SUN5: variants seen among roughly 807,000 people sequenced by gnomAD.
SUN5 encodes the protein SUN domain-containing protein 5.
In SUN5, 44 loss-of-function variants were observed where a neutral mutation model predicts 53.7. The observed-to-expected ratio is 0.82, with a 90% confidence interval of 0.64 to 1.05. The LOEUF (loss-of-function observed/expected upper bound fraction) is 1.05, where lower values mean the gene tolerates loss of function less well. Among genes scored for constraint, SUN5 ranks in the 50% least tolerant of loss-of-function variants. The pLI, the probability that SUN5 is intolerant of heterozygous loss-of-function variation, is 0.00. For missense variants in SUN5, 433 were observed against 483.8 expected (o/e 0.90, Z 0.98); for synonymous variants, 166 against 179.8 (o/e 0.92, Z 0.62).
intron 1 of SUN5, among the ~76,000 whole-genome samples, 195 bp downstream of exon 1, chr20:33,004,069 C>G (rs531942722): frequency 6.6e-6 from 1 of 152,156 alleles, no homozygotes; most frequent in Admixed American, 6.5e-5. Flanking sequence ...TCAATAAATG[C>G]GTGCTGGAAG....
chr20:32,994,759 C>T (rs8113836), intron 8 of SUN5, among the ~76,000 whole-genome samples: 23,629 of 150,220 alleles, frequency 0.16, 1,935 homozygotes, highest in African/African-American at 0.21. Context: ...ATTAGCTGAG[C>T]GTGGTAATGT....
intron 3 of SUN5, among the ~76,000 whole-genome samples, chr20:33,001,519 C>CTTTCTTTCTTTCTTTTCTTTCT (rs68051515): frequency 2.0e-4 from 24 of 121,394 alleles, no homozygotes; most frequent in Non-Finnish European, 3.1e-4. Flanking sequence ...TTCTTTCTTT[C>CTTTCTTTCTTTCTTTTCTTTCT]TTCTTTCTTT....
At chr20:32,993,175 C>T (rs989939373) in intron 8 of SUN5, among the ~76,000 whole-genome samples, 1 of 152,198 alleles carries the variant, frequency 6.6e-6, no homozygotes, top group Non-Finnish European at 1.5e-5. Flanking sequence ...TGGGAAATCA[C>T]CAATTTAGTC....
intron 6 of SUN5, 49 bp from the exon 7 acceptor site, chr20:32,996,407 T>C (rs1411887116): frequency 5.1e-5 from 79 of 1,555,396 alleles, no homozygotes; most frequent in Non-Finnish European, 6.9e-5. Context: ...TGGCTTAATC[T>C]GGCCCCAGGA....
Position 32,983,790 on chromosome 20 carries a change from A to C in SUN5, c.*4T>G. On this transcript the variant is annotated 3_prime_UTR_variant, in exon 13 of 13. Transcript: ENST00000356173. Reference sequence around the variant, plus strand: ...AGACTTGGTCTGGGGGTAAAGAATAAATTTTAATCTCTCTTAGGGTAGGGG... The same window carrying C: ...AGACTTGGTCTGGGGGTAAAGAATACATTTTAATCTCTCTTAGGGTAGGGG... The C allele has an allele frequency of 2.0e-6, 3 of 1,466,610 alleles. No homozygotes were observed. The highest frequency in any genetic ancestry group is 2.7e-6 in the Non-Finnish European group (3 of 1,102,774). 90.8% of individuals were successfully genotyped at this position (1,466,610 alleles called of 1,614,324 possible). A position where few individuals can be genotyped will look rare whatever the true frequency, so the allele number is the denominator to read the frequency against.
At chr20:32,985,976 T>C in intron 10 of SUN5, 73 bp from the exon 11 acceptor site, 1 of 1,518,074 alleles carries the variant, frequency 6.6e-7, no homozygotes, top group Non-Finnish European at 8.9e-7. Flanking sequence ...TCCCCTGTAC[T>C]TCCTGGGACC....
intron 8 of SUN5, 103 bp from the exon 9 acceptor site, chr20:32,989,801 T>C: frequency 1.0e-6 from 1 of 953,422 alleles, no homozygotes; most frequent in Non-Finnish European, 1.6e-6. Flanking sequence ...CGCTGTCCTC[T>C]CCCTAACAGC....
At chr20:32,999,830 GA>G (rs1314016445) in intron 5 of SUN5, 1 of 1,354,642 alleles carries the variant, frequency 7.4e-7, no homozygotes, top group Non-Finnish European at 1.0e-6. Flanking sequence ...TGGAAACCCA[GA>G]AAGCGGAAGT....
rs759469785 is a variant in SUN5 at position 32,983,869 on chromosome 20, G to A, written c.1065C>T (p.Tyr355=). ...CCACAGAGCCATGCACTCGCACGCG[G>A]TACAGGCAAGTGAAGCCTGGGTTCC... is the stretch of plus-strand genomic sequence containing the variant. ...NWGNPGFTCL[Y]RVRVHGSVAP... The change falls in exon 13 of 13, where the codon TAC becomes TAT. Residue 355 remains tyrosine, a synonymous_variant. Coordinates refer to ENST00000356173, the MANE Select transcript of SUN5 (RefSeq NM_080675.4). 3.1e-6 allele frequency: 5 copies of A among 1,601,032 alleles called. No individual in the cohort carries two copies. The highest frequency in any genetic ancestry group is 1.3e-5 in the African/African-American group (1 of 74,798).
At chr20:33,003,833 TAC>T (rs1568972564) in intron 1 of SUN5, among the ~76,000 whole-genome samples, 1 of 152,228 alleles carries the variant, frequency 6.6e-6, no homozygotes, top group Non-Finnish European at 1.5e-5. Flanking sequence ...TCTTGGGATA[TAC>T]ACCCAGATTT....
intron 8 of SUN5, among the ~76,000 whole-genome samples, chr20:32,990,949 G>A (rs6058994): frequency 0.34 from 52,343 of 152,006 alleles, 9,682 homozygotes; most frequent in East Asian, 0.79. Context: ...GTGTTACAAG[G>A]CAGTGATTAT....
chr20:33,001,109 G>A (rs1989993799), intron 4 of SUN5, 103 bp downstream of exon 4: 1 of 1,336,208 alleles, frequency 7.5e-7, no homozygotes, highest in Non-Finnish European at 1.0e-6. Context: ...AGCTTTTCTG[G>A]TCTGGCTACC....
intron 12 of SUN5, among the ~76,000 whole-genome samples, chr20:32,984,376 A>G (rs958788752): frequency 6.6e-6 from 1 of 152,228 alleles, no homozygotes; most frequent in African/African-American, 2.4e-5. Flanking sequence ...CTCCCGGCAC[A>G]TAGTAAGTTC....
At chr20:33,003,510 G>A (rs1990110133) in intron 1 of SUN5, among the ~76,000 whole-genome samples, 2 of 152,118 alleles carry the variant, frequency 1.3e-5, no homozygotes, top group Admixed American at 6.5e-5. Context: ...GTCTTGGGTG[G>A]CAGAACTGAG....
chr20:32,992,791 G>A (rs563709187), intron 8 of SUN5, among the ~76,000 whole-genome samples: 2 of 152,136 alleles, frequency 1.3e-5, no homozygotes, highest in African/African-American at 4.8e-5. Flanking sequence ...CCAAATGGCC[G>A]CTGGATACAA....
chr20:32,989,469 GA>G (rs1989649243), intron 9 of SUN5, 150 bp downstream of exon 9: 2 of 293,282 alleles, frequency 6.8e-6, no homozygotes, highest in Non-Finnish European at 1.2e-5. Flanking sequence ...CCCCTTGAGA[GA>G]AAACAAAATT....
intron 7 of SUN5, 52 bp from the exon 8 acceptor site, chr20:32,995,779 G>A: frequency 6.5e-7 from 1 of 1,528,342 alleles, no homozygotes; most frequent in Non-Finnish European, 9.1e-7. Flanking sequence ...ATGCGTTGTT[G>A]TTACCCTCAG....
intron 3 of SUN5, among the ~76,000 whole-genome samples, chr20:33,001,562 C>CTTTCTTTCTTTCTTTCTTTT (rs1555876523): frequency 1.0e-5 from 1 of 98,246 alleles, no homozygotes; most frequent in Non-Finnish European, 2.1e-5. Context: ...TTCTTTCTTT[C>CTTTCTTTCTTTCTTTCTTTT]TTTTCTTCCT....
At position 32,987,729 on chromosome 20, in the gene SUN5, C is replaced by T. The variant is rs777080340; in HGVS notation, c.660G>A (p.Glu220=). The change falls in exon 10 of 13, where the codon GAG becomes GAA. Residue 220 remains glutamate (E), a synonymous_variant. Transcript: ENST00000356173. The part of the protein sequence containing the change: ...FEHTSVTYNH[E]KAHSYWNWIQ... Reference sequence around the variant, plus strand: ...TCCAGTTCCAGTAGGAGTGGGCCTTCTCATGGTTATAGGTGACTGACGTGT... The same window carrying T: ...TCCAGTTCCAGTAGGAGTGGGCCTTTTCATGGTTATAGGTGACTGACGTGT... 5.0e-6 allele frequency: 8 copies of T among 1,613,566 alleles called. No homozygotes were observed. Among genetic ancestry groups the T allele is most frequent in the Non-Finnish European group, 6.8e-6 (8 of 1,179,880 alleles).
Sources: allele counts gnomAD v4.1 joint callset (sites outside exome capture counted in the v4.1 genomes callset), GRCh38; gene constraint gnomAD v4.1.1; transcripts MANE v1.5; gene names NCBI Gene and HGNC (gene_info 2026-07-23, HGNC 2026-07-21).